The following SCFD2 variants were observed in gnomAD, a reference collection of about 807,000 sequenced individuals.
The protein encoded by SCFD2 is sec1 family domain containing 2.
SCFD2 carries 54 observed loss-of-function variants against 58.9 expected under a neutral mutation model. The observed-to-expected ratio is 0.92, with a 90% CI of 0.74 to 1.15. The LOEUF (loss-of-function observed/expected upper bound fraction) is 1.15. Ranked by LOEUF, SCFD2 falls within the 50% of genes most tolerant of loss-of-function variation. The pLI, the probability that SCFD2 is intolerant of heterozygous loss-of-function variation, is 0.00. For missense variants in SCFD2, 805 were observed against 836.6 expected (o/e 0.96, Z 0.47); for synonymous variants, 321 against 335.9 (o/e 0.96, Z 0.49).
chr4:53,216,338 T>C (rs1728832355), intron 4 of SCFD2, among the ~76,000 whole-genome samples: 2 of 152,212 alleles, frequency 1.3e-5, no homozygotes, highest in African/African-American at 4.8e-5. Context: ...GTTATTGGTC[T>C]ATTCAGAGAT....
intron 3 of SCFD2, among the ~76,000 whole-genome samples, chr4:53,285,845 C>G (rs564382516): frequency 6.6e-6 from 1 of 152,080 alleles, no homozygotes; most frequent in Non-Finnish European, 1.5e-5. Context: ...CATTGCAGTC[C>G]TCACAGGTCA....
chr4:52,902,299 TACTC>T (rs1719223171), intron 7 of SCFD2, among the ~76,000 whole-genome samples: 1 of 152,182 alleles, frequency 6.6e-6, no homozygotes, highest in African/African-American at 2.4e-5. Context: ...CTCAACAAGT[TACTC>T]ACAGTGGAGA....
At chr4:53,063,096 G>C (rs1315449731) in intron 5 of SCFD2, among the ~76,000 whole-genome samples, 3 of 151,990 alleles carry the variant, frequency 2.0e-5, no homozygotes, top group Non-Finnish European at 4.4e-5. Context: ...CCTAAGACAA[G>C]GTTTTGCATA....
intron 5 of SCFD2, among the ~76,000 whole-genome samples, chr4:53,023,741 G>A (rs962095083): frequency 6.6e-6 from 1 of 152,008 alleles, no homozygotes; most frequent in South Asian, 2.1e-4. Flanking sequence ...AAACTGCTTT[G>A]GACGTCTTTT....
chr4:53,277,091 A>T (rs1731350093), intron 3 of SCFD2, among the ~76,000 whole-genome samples: 1 of 152,116 alleles, frequency 6.6e-6, no homozygotes, highest in South Asian at 2.1e-4. Context: ...TATTTCTGTA[A>T]CAGGCACTAT....
chr4:53,198,799 A>C (rs1429731759), intron 4 of SCFD2, among the ~76,000 whole-genome samples: 1 of 152,018 alleles, frequency 6.6e-6, no homozygotes, highest in Non-Finnish European at 1.5e-5. Flanking sequence ...AACTGTTGTG[A>C]TAGGTTCCTT....
intron 5 of SCFD2, among the ~76,000 whole-genome samples, chr4:52,953,364 C>G (rs967363474): frequency 6.6e-6 from 1 of 152,170 alleles, no homozygotes; most frequent in Non-Finnish European, 1.5e-5. Context: ...GGATAGCCAG[C>G]CTCAAGTAGA....
chr4:53,060,586 C>T (rs1378345290), intron 5 of SCFD2, among the ~76,000 whole-genome samples: 3 of 152,042 alleles, frequency 2.0e-5, no homozygotes, highest in African/African-American at 7.2e-5. Context: ...ATAATGGCTA[C>T]CTTTGGTGTG....
At chr4:53,238,042 C>T (rs1443872915) in intron 4 of SCFD2, among the ~76,000 whole-genome samples, 6 of 138,572 alleles carry the variant, frequency 4.3e-5, no homozygotes, top group Non-Finnish European at 6.3e-5. Flanking sequence ...GGTGGCTGGC[C>T]GGGCGGGGGG....
At chr4:52,969,643 T>C (rs1721047134) in intron 5 of SCFD2, among the ~76,000 whole-genome samples, 1 of 152,200 alleles carries the variant, frequency 6.6e-6, no homozygotes. Flanking sequence ...CTCCTTCCTC[T>C]GCCTCAGTGA....
At chr4:53,359,675 A>G (rs1014368694) in intron 1 of SCFD2, among the ~76,000 whole-genome samples, 9 of 152,206 alleles carry the variant, frequency 5.9e-5, no homozygotes, top group African/African-American at 9.7e-5. Context: ...AATTTGATGT[A>G]AGAAACCTCA....
At chr4:52,921,862 C>T (rs1250052025) in intron 5 of SCFD2, among the ~76,000 whole-genome samples, 1 of 152,136 alleles carries the variant, frequency 6.6e-6, no homozygotes, top group East Asian at 1.9e-4. Context: ...GCATGTTTGG[C>T]TTGTGTATGG....
chr4:53,148,151 C>T (rs1726390895), intron 4 of SCFD2, among the ~76,000 whole-genome samples: 2 of 152,040 alleles, frequency 1.3e-5, no homozygotes, highest in South Asian at 4.2e-4. Flanking sequence ...GGGTCTCCCC[C>T]CAGAGCAAAA....
chr4:53,017,894 AC>A (rs1485136394), intron 5 of SCFD2, among the ~76,000 whole-genome samples: 2 of 137,604 alleles, frequency 1.5e-5, no homozygotes, highest in Admixed American at 7.4e-5. Context: ...AAGTATCCAA[AC>A]GGCTCACAGC....
intron 5 of SCFD2, among the ~76,000 whole-genome samples, chr4:53,128,431 A>G (rs1255061548): frequency 3.3e-5 from 5 of 152,166 alleles, no homozygotes; most frequent in South Asian, 2.1e-4. Context: ...TACTCATCTC[A>G]AATGATGTCA....
At chr4:52,894,227 G>T (rs1718947295) in intron 7 of SCFD2, among the ~76,000 whole-genome samples, 1 of 151,908 alleles carries the variant, frequency 6.6e-6, no homozygotes, top group South Asian at 2.1e-4. Context: ...AGAAATGAAA[G>T]AACAAAAAAA....
chr4:53,313,534 C>G, intron 3 of SCFD2, 102 bp downstream of exon 3: 1 of 1,366,252 alleles, frequency 7.3e-7, no homozygotes, highest in Non-Finnish European at 1.0e-6. Context: ...AAAGTCGTTA[C>G]TACTTTGGCC....
At chr4:52,950,791 G>T (rs1720571755) in intron 5 of SCFD2, 2 of 152,096 alleles carry the variant, frequency 1.3e-5, no homozygotes, top group Non-Finnish European at 2.9e-5. Flanking sequence ...CGCCCACCAG[G>T]ACCTTGTGGA....
intron 4 of SCFD2, among the ~76,000 whole-genome samples, chr4:53,172,761 A>G (rs1336899382): frequency 6.6e-6 from 1 of 152,200 alleles, no homozygotes; most frequent in Non-Finnish European, 1.5e-5. Flanking sequence ...GGCCCAATAT[A>G]TGATCTATCC....
Sources: allele counts gnomAD v4.1 joint callset (sites outside exome capture counted in the v4.1 genomes callset), GRCh38; gene constraint gnomAD v4.1.1; transcripts MANE v1.5; gene names NCBI Gene and HGNC (gene_info 2026-07-23, HGNC 2026-07-21).